Variants in WDR25 observed in about 807,000 individuals in gnomAD.
WDR25 encodes the protein WD repeat-containing protein 25.
In WDR25, 35 loss-of-function variants were observed where a neutral mutation model predicts 47.7. The observed-to-expected ratio is 0.73, with a 90% CI of 0.56 to 0.97. The LOEUF is 0.97. Ranked by LOEUF, WDR25 falls within the 50% of genes least tolerant of loss-of-function variation. The pLI, the probability that WDR25 is intolerant of heterozygous loss-of-function variation, is 0.00. For missense variants in WDR25, 634 were observed against 704.7 expected, an observed-to-expected ratio of 0.90 and a Z score of 1.14; for synonymous variants, 248 against 278.9, an observed-to-expected ratio of 0.89 and a Z score of 1.10.
At position 100,425,891 on chromosome 14, in the gene WDR25, C is replaced by A. The variant is rs1040142043; in HGVS notation, c.823-42130C>A. The stretch of plus-strand genomic sequence containing the variant: ...GGGCAAGCTGACCCTCAACATGAGG[C>A]AAGGGGTATTCAGTGGGGCCAGGGC... On this transcript the variant is annotated intron_variant, in intron 2 of 6. Coordinates refer to ENST00000402312, the MANE Select transcript of WDR25 (RefSeq NM_001161476.3). The surrounding 1 kb of genome is among the most constrained non-coding windows in gnomAD (Gnocchi z 4.8). 6.6e-6 allele frequency among the ~76,000 whole-genome samples: 1 copy of A among 152,112 alleles called. No homozygotes were observed. The highest frequency in any genetic ancestry group is 1.5e-5 in the Non-Finnish European group (1 of 68,028).
At position 100,381,168 on chromosome 14, in the gene WDR25, C is replaced by T; in HGVS notation, c.244C>T (p.Gln82Ter). The T allele has an allele frequency of 1.2e-6, 2 of 1,614,192 alleles. No homozygotes were observed. Among genetic ancestry groups the T allele is most frequent in the Non-Finnish European group, 1.7e-6 (2 of 1,180,022 alleles). ...DPGGYRLPLA[Q>*]LGRSDWGSCP... ...AGGGGGCTATCGCCTTCCATTGGCT[C>T]AGCTTGGGAGAAGCGATTGGGGATC... The change falls in exon 2 of 7, where the codon CAG (glutamine) becomes TAG (stop). Residue 82 changes from glutamine to a stop codon, truncating the protein, a stop_gained. Coordinates refer to ENST00000402312, the MANE Select transcript of WDR25 (RefSeq NM_001161476.3). LOFTEE classifies it high-confidence loss of function.
intron 4 of WDR25, among the ~76,000 whole-genome samples, chr14:100,497,344 T>C (rs1900765798): frequency 6.6e-6 from 1 of 152,162 alleles, no homozygotes; most frequent in Non-Finnish European, 1.5e-5. Flanking sequence ...CCAGCTATAG[T>C]TGTGAATTTG....
chr14:100,443,557 T>G (rs1018522220), intron 2 of WDR25, among the ~76,000 whole-genome samples: 6 of 152,220 alleles, frequency 3.9e-5, no homozygotes, highest in African/African-American at 1.4e-4. Context: ...CCTCTGATTT[T>G]GGGGGATAAA....
chr14:100,437,783 GC>G (rs1898546264), intron 2 of WDR25, among the ~76,000 whole-genome samples: 1 of 151,934 alleles, frequency 6.6e-6, no homozygotes, highest in South Asian at 2.1e-4. Flanking sequence ...GGTGTTATAC[GC>G]CCCCTTAGTG....
chr14:100,505,706 C>T (rs1235648673), intron 4 of WDR25, among the ~76,000 whole-genome samples: 3 of 152,120 alleles, frequency 2.0e-5, no homozygotes, highest in Non-Finnish European at 4.4e-5. Flanking sequence ...GAACATAGCA[C>T]ATCTCTTCAT....
chr14:100,485,161 T>G (rs1900340833), intron 4 of WDR25, among the ~76,000 whole-genome samples: 1 of 152,026 alleles, frequency 6.6e-6, no homozygotes, highest in Non-Finnish European at 1.5e-5. Flanking sequence ...CTCTTCTGCC[T>G]GTTTCCTAAG....
chr14:100,458,635 C>T (rs978998044), intron 2 of WDR25, among the ~76,000 whole-genome samples: 4 of 152,012 alleles, frequency 2.6e-5, no homozygotes, highest in Admixed American at 2.6e-4. Context: ...CATGGAATGT[C>T]CACCAAGAGA....
intron 4 of WDR25, among the ~76,000 whole-genome samples, chr14:100,485,007 A>G (rs1459487031): frequency 6.6e-6 from 1 of 152,192 alleles, no homozygotes; most frequent in Non-Finnish European, 1.5e-5. Flanking sequence ...ATGATCCACA[A>G]GGCCTAAATG....
chr14:100,395,641 C>G (rs1486720806), intron 2 of WDR25, among the ~76,000 whole-genome samples: 2 of 152,214 alleles, frequency 1.3e-5, no homozygotes, highest in Admixed American at 6.5e-5. Flanking sequence ...CTTTTTGTGT[C>G]TTAATGAGCT....
In WDR25 at chr14:100,477,522, A is replaced by G. The variant is rs546870805; in HGVS notation, c.971-6472A>G. On this transcript the variant is annotated intron_variant, in intron 3 of 6. Transcript: ENST00000402312. ...AGATGGTCTTAAGGTTAAAGGTTAT[A>G]TAACAGCTAACCATTGCGCTGAAAG... Among the ~76,000 whole-genome samples the G allele has an allele frequency of 2.0e-5, 3 of 152,328 alleles. No individual in the cohort carries two copies. In the East Asian group the frequency reaches 5.8e-4, roughly 29 times the overall value.
intron 2 of WDR25, among the ~76,000 whole-genome samples, chr14:100,384,024 C>T (rs747100697): frequency 2.9e-4 from 44 of 152,224 alleles, no homozygotes; most frequent in Non-Finnish European, 4.6e-4. Context: ...CCGCCTGTCC[C>T]GAGGAGACTG....
At chr14:100,514,004 C>T (rs1242082465) in intron 4 of WDR25, among the ~76,000 whole-genome samples, 5 of 150,978 alleles carry the variant, frequency 3.3e-5, no homozygotes, top group African/African-American at 4.9e-5. Flanking sequence ...GGCGCAATCT[C>T]GGCTCACTGC....
At chr14:100,427,280 C>T (rs140770759) in intron 2 of WDR25, among the ~76,000 whole-genome samples, 3 of 152,192 alleles carry the variant, frequency 2.0e-5, no homozygotes, top group East Asian at 1.9e-4. Flanking sequence ...CTCCATGCCC[C>T]CCAGCTGCAT....
chr14:100,518,598 A>T (rs971034475), intron 4 of WDR25, among the ~76,000 whole-genome samples: 2 of 151,518 alleles, frequency 1.3e-5, no homozygotes, highest in African/African-American at 4.9e-5. Context: ...TCCTTTAAGA[A>T]CTCTGTTGAT....
chr14:100,505,977 C>T (rs1039242670), intron 4 of WDR25, among the ~76,000 whole-genome samples: 2 of 152,062 alleles, frequency 1.3e-5, no homozygotes, highest in Non-Finnish European at 1.5e-5. Context: ...GGGTATAATG[C>T]GTGATGTTGA....
chr14:100,530,014 G>A lies in WDR25; in HGVS notation c.1608G>A (p.Trp536Ter). 1 of 1,612,928 alleles carries A rather than the reference G, an allele frequency of 6.2e-7. No individual in the cohort carries two copies. The highest frequency in any genetic ancestry group is 8.5e-7 in the Non-Finnish European group (1 of 1,179,730). Reference sequence around the variant, plus strand: ...CCTCCGTCCTCGCCACCTGCTCCTGGGGAGGGGACATGAAGATCTGGCACT... The same window carrying A: ...CCTCCGTCCTCGCCACCTGCTCCTGAGGAGGGGACATGAAGATCTGGCACT... ...VLPSVLATCS[W>*]GGDMKIWH is the part of the protein sequence containing the mutation. Residue 536 changes from tryptophan to a stop codon, truncating the protein, a stop_gained, in exon 7 of 7, where the codon TGG becomes TGA. Coordinates refer to ENST00000402312, the MANE Select transcript of WDR25 (RefSeq NM_001161476.3). LOFTEE classifies it high-confidence loss of function.
At chr14:100,459,913 T>TATATATATATATATATATAC (rs1899334968) in intron 2 of WDR25, among the ~76,000 whole-genome samples, 1 of 93,800 alleles carries the variant, frequency 1.1e-5, no homozygotes, top group African/African-American at 5.1e-5. Flanking sequence ...TATATATATA[T>TATATATATATATATATATAC]ATATATATAT....
At position 100,392,243 on chromosome 14, in the gene WDR25, C is replaced by G. The variant is rs1382243941; in HGVS notation, c.822+10497C>G. ...CATTTTAGACAGTGTAATTGAGGAC[C>G]ACAGTTTTCTTTACATCTGTAATTA... On this transcript the variant is annotated intron_variant, in intron 2 of 6. Transcript: ENST00000402312. The surrounding 1 kb of genome is among the most constrained non-coding windows in gnomAD (Gnocchi z 4.2). 6.6e-6 allele frequency among the ~76,000 whole-genome samples: 1 copy of G among 152,004 alleles called. No homozygotes were observed. The highest frequency in any genetic ancestry group is 2.4e-5 in the African/African-American group (1 of 41,376).
At chr14:100,481,935 A>C (rs993190253) in intron 3 of WDR25, among the ~76,000 whole-genome samples, 2 of 152,192 alleles carry the variant, frequency 1.3e-5, no homozygotes, top group Non-Finnish European at 2.9e-5. Context: ...TTTGCTTCCA[A>C]ATTTTGACCT....
Sources: gnomAD v4.1 joint callset for allele counts (sites outside exome capture counted in the v4.1 genomes callset) on GRCh38, gnomAD v4.1.1 for gene constraint, Gnocchi (gnomAD v3.1) non-coding constraint, MANE v1.5 for transcripts, NCBI Gene and HGNC (gene_info 2026-07-23, HGNC 2026-07-21) for gene names.